Variants in SNTN observed in about 807,000 individuals in gnomAD.
The protein encoded by SNTN is sentan, cilia apical structure protein.
Under a neutral mutation model 12.3 loss-of-function variants are expected in SNTN, and 13 were observed. That is an observed-to-expected ratio of 1.05 (90% CI 0.69 to 1.67). The LOEUF (loss-of-function observed/expected upper bound fraction) is 1.67, where lower values mean the gene tolerates loss of function less well. SNTN is among the 40% of genes most tolerant of loss of function. SNTN has a pLI of 0.00. For missense variants in SNTN, 189 were observed against 169.8 expected (o/e 1.11, Z -0.63); for synonymous variants, 69 against 58.5 (o/e 1.18, Z -0.82).
At chr3:63,654,907 T>C in intron 2 of SNTN, 111 bp downstream of exon 2, 2 of 944,958 alleles carry the variant, frequency 2.1e-6, no homozygotes, top group Middle Eastern at 2.2e-4. Context: ...TAAGGGAACT[T>C]TTGAATAAAT....
Position 63,665,084 on chromosome 3 carries a change from T to A in SNTN, c.*989T>A, listed in dbSNP as rs1357198369. ...ACTTTTAAGGGGGCTGGAAATGGTC[T>A]CCATTTTGATTGTGAGGTGGTGGCT... On this transcript the variant is annotated 3_prime_UTR_variant, in exon 4 of 4. Coordinates refer to ENST00000343837, the MANE Select transcript of SNTN (RefSeq NM_001080537.2). Among the ~76,000 whole-genome samples the A allele has an allele frequency of 6.6e-6, 1 of 152,140 alleles. No homozygotes were observed. Among genetic ancestry groups the A allele is most frequent in the Non-Finnish European group, 1.5e-5 (1 of 68,028 alleles).
At chr3:63,660,605 G>A (rs1700733448) in intron 3 of SNTN, among the ~76,000 whole-genome samples, 2 of 152,186 alleles carry the variant, frequency 1.3e-5, no homozygotes, top group Admixed American at 6.5e-5. Flanking sequence ...TTGATTGACT[G>A]TGAGAGTTGA....
rs955505229 is a variant in SNTN at position 63,665,159 on chromosome 3, G to A, written c.*1064G>A. The stretch of plus-strand genomic sequence containing the variant: ...CTCATAGAACTGCACACTGAAAAGA[G>A]TGAATTGTACTGTATGTCAATTATA... On this transcript the variant is annotated 3_prime_UTR_variant, in exon 4 of 4. Transcript: ENST00000343837. 6.6e-6 allele frequency among the ~76,000 whole-genome samples: 1 copy of A among 152,154 alleles called. No homozygotes were observed.
intron 3 of SNTN, chr3:63,663,591 G>A (rs1700766142): frequency 2.4e-5 from 6 of 253,036 alleles, no homozygotes; most frequent in Non-Finnish European, 3.9e-5. Context: ...TGGTGAGTGA[G>A]TTCTCACTCT....
chr3:63,656,149 T>C (rs975337923), intron 2 of SNTN, among the ~76,000 whole-genome samples: 3 of 152,212 alleles, frequency 2.0e-5, no homozygotes, highest in South Asian at 2.1e-4. Flanking sequence ...TCTTCTGTAT[T>C]GAGACTGGTA....
chr3:63,660,881 T>C (rs12497032), intron 3 of SNTN, among the ~76,000 whole-genome samples: 2 of 152,072 alleles, frequency 1.3e-5, no homozygotes. Flanking sequence ...GTCAGCAGTA[T>C]ATAATCAGTC....
At chr3:63,660,385 T>C (rs975423789) in intron 3 of SNTN, among the ~76,000 whole-genome samples, 1 of 152,030 alleles carries the variant, frequency 6.6e-6, no homozygotes, top group African/African-American at 2.4e-5. Context: ...AGCCAGGAAC[T>C]ATGTCTACGT....
chr3:63,664,065 A>G lies in SNTN; in HGVS notation c.414A>G (p.Gln138=), dbSNP rs766489907. 10 of 1,610,512 alleles carry G rather than the reference A, an allele frequency of 6.2e-6. No homozygotes were observed. Among genetic ancestry groups the G allele is most frequent in the African/African-American group, 1.3e-5 (1 of 74,794 alleles). Residue 138 remains glutamine, a synonymous_variant, in exon 4 of 4, where the codon CAA becomes CAG. Transcript: ENST00000343837. ...TCACTGTCATGTCAGATCTGCTACA[A>G]AATATACGGAATGTAAAAATTATGA... The part of the protein sequence containing the change: ...LSITVMSDLL[Q]NIRNVKIMK
At chr3:63,662,633 C>T (rs949191907) in intron 3 of SNTN, among the ~76,000 whole-genome samples, 2 of 152,174 alleles carry the variant, frequency 1.3e-5, no homozygotes, top group Non-Finnish European at 2.9e-5. Context: ...CTAAATAACA[C>T]TCAGCTCTCC....
chr3:63,656,955 A>C (rs759033081), intron 2 of SNTN, among the ~76,000 whole-genome samples: 2 of 152,178 alleles, frequency 1.3e-5, no homozygotes, highest in Non-Finnish European at 2.9e-5. Flanking sequence ...ATACTAAGAC[A>C]TACCTCATCG....
chr3:63,657,052 T>C (rs1352656188), intron 2 of SNTN, among the ~76,000 whole-genome samples: 1 of 152,208 alleles, frequency 6.6e-6, no homozygotes, highest in Non-Finnish European at 1.5e-5. Context: ...TCGTATATTA[T>C]TGTCCACCAG....
In SNTN at chr3:63,664,915, G is replaced by C. The variant is rs1700786000; in HGVS notation, c.*820G>C. On this transcript the variant is annotated 3_prime_UTR_variant, in exon 4 of 4. Coordinates refer to ENST00000343837, the MANE Select transcript of SNTN (RefSeq NM_001080537.2). ...TTACAGGCGTGTGCCACGATGCCAG[G>C]CTAATTTTTTTTGTATTTTTAGTGG... is the stretch of plus-strand genomic sequence containing the variant. Among the ~76,000 whole-genome samples the C allele has an allele frequency of 1.3e-5, 2 of 152,074 alleles. No individual in the cohort carries two copies. Among genetic ancestry groups the C allele is most frequent in the South Asian group, 4.1e-4 (2 of 4,828 alleles).
chr3:63,654,729 A>G (rs371898830), intron 1 of SNTN, 33 bp from the exon 2 acceptor site: 585 of 1,608,090 alleles, frequency 3.6e-4, no homozygotes, highest in Non-Finnish European at 4.8e-4. Context: ...CCCAACTCCC[A>G]GAATCATTCT....
chr3:63,659,858 C>T lies in SNTN; in HGVS notation c.279C>T (p.Phe93=), dbSNP rs115927166. The stretch of plus-strand genomic sequence containing the variant: ...TGCTGCAAACCCAATTTAGGAATTT[C>T]GCAGAGGTGAGAGAATTAACTTGCA... ...KDLLQTQFRN[F]AEGQETKPKY... is the part of the protein sequence containing the mutation. Residue 93 remains phenylalanine (F), a synonymous_variant, in exon 3 of 4, where the codon TTC becomes TTT. Transcript: ENST00000343837. 1,895 of 1,613,836 alleles carry T rather than the reference C, an allele frequency of 1.2e-3. 29 individuals carry two copies. The African/African-American group carries it at 0.022, about 19-fold the overall frequency.
At chr3:63,657,943 C>T (rs1268568198) in intron 2 of SNTN, among the ~76,000 whole-genome samples, 1 of 152,192 alleles carries the variant, frequency 6.6e-6, no homozygotes, top group Non-Finnish European at 1.5e-5. Flanking sequence ...ACCCACTTGT[C>T]TTCACTCTTG....
intron 3 of SNTN, among the ~76,000 whole-genome samples, chr3:63,663,125 T>A (rs1700759341): frequency 6.6e-6 from 1 of 152,214 alleles, no homozygotes; most frequent in African/African-American, 2.4e-5. Flanking sequence ...AAGATTGTAT[T>A]TTGAAAATTT....
At chr3:63,658,401 AATATATATAT>A (rs58847521) in intron 2 of SNTN, among the ~76,000 whole-genome samples, 13 of 123,142 alleles carry the variant, frequency 1.1e-4, no homozygotes, top group South Asian at 6.4e-4. Flanking sequence ...ACAAGTTGTA[AATATATATAT>A]ATATATATAT....
Position 63,658,744 on chromosome 3 carries a change from G to A in SNTN, c.146-981G>A, listed in dbSNP as rs191973015. Among the ~76,000 whole-genome samples the A allele has an allele frequency of 1.6e-4, 24 of 152,206 alleles. No homozygotes were observed. The East Asian group carries it at 4.6e-3, about 29-fold the overall frequency. ...CCGCTCTGTATTCTGGGAAGTAACAGGCACTTAGTAAGCACTCAATATGAA... is the reference window on the plus strand; with the variant it reads ...CCGCTCTGTATTCTGGGAAGTAACAAGCACTTAGTAAGCACTCAATATGAA... On this transcript the variant is annotated intron_variant, in intron 2 of 3. Transcript: ENST00000343837.
intron 2 of SNTN, among the ~76,000 whole-genome samples, chr3:63,658,401 A>AATATATAT (rs58847521): frequency 0.013 from 1,655 of 123,058 alleles, 30 homozygotes; most frequent in African/African-American, 0.042. Context: ...ACAAGTTGTA[A>AATATATAT]ATATATATAT....
Sources: gnomAD v4.1 joint callset for allele counts (sites outside exome capture counted in the v4.1 genomes callset) on GRCh38, gnomAD v4.1.1 for gene constraint, MANE v1.5 for transcripts, NCBI Gene and HGNC (gene_info 2026-07-23, HGNC 2026-07-21) for gene names.